The following NKTR variants were observed in gnomAD, a reference collection of about 807,000 sequenced individuals.
The protein encoded by NKTR is natural killer cell triggering receptor.
Under a neutral mutation model 156.3 loss-of-function variants are expected in NKTR, and 67 were observed. The ratio of observed to expected loss-of-function variants is 0.43; its 90% CI spans 0.35 to 0.53. The LOEUF is 0.53. Among genes scored for constraint, NKTR ranks in the 20% least tolerant of loss-of-function variants. NKTR has a pLI of 0.01. For missense variants in NKTR, 1,604 were observed against 1,730.9 expected, an observed-to-expected ratio of 0.93 and a Z score of 1.30; for synonymous variants, 640 against 596.6, an observed-to-expected ratio of 1.07 and a Z score of -1.06.
At chr3:42,625,011 G>A (rs753297050) in intron 6 of NKTR, among the ~76,000 whole-genome samples, 8 of 152,094 alleles carry the variant, frequency 5.3e-5, no homozygotes, top group Non-Finnish European at 1.0e-4. Context: ...CCTTCAGTTC[G>A]TTTTTCTTAA....
At position 42,643,344 on chromosome 3, in the gene NKTR, C is replaced by T; in HGVS notation, c.4148C>T (p.Ser1383Phe). 6.2e-7 allele frequency: 1 copy of T among 1,613,882 alleles called. No individual in the cohort carries two copies. The highest frequency in any genetic ancestry group is 1.1e-5 in the South Asian group (1 of 91,074). ...CTTCATGTGATTAATATTAGGACGT[C>T]CAGCAGGAGCAGATCCAGGAGCAGC... is the stretch of plus-strand genomic sequence containing the variant. Reference protein sequence around the residue: ...SYRSYKSHRTSSRSRSRSSSY... With the variant: ...SYRSYKSHRTFSRSRSRSSSY... The change falls in exon 15 of 17, where the codon TCC becomes TTC. Residue 1383 changes from serine (S) to phenylalanine (F), a missense_variant. Physicochemically the swap from Ser to Phe is radical, Grantham distance 155. This residue lies in a region of NKTR where 193 missense variants were observed against 220.2 expected (regional missense o/e 0.88). Transcript: ENST00000232978.
At chr3:42,644,857 C>T (rs1354032366) in intron 16 of NKTR, among the ~76,000 whole-genome samples, 1 of 152,210 alleles carries the variant, frequency 6.6e-6, no homozygotes, top group Non-Finnish European at 1.5e-5. Context: ...CAGTCCCTCC[C>T]ATGTGCCTCT....
chr3:42,640,839 C>G (rs6781196), intron 13 of NKTR, among the ~76,000 whole-genome samples: 5,339 of 152,296 alleles, frequency 0.035, 136 homozygotes, highest in Non-Finnish European at 0.056. Context: ...CTAGGCTTCT[C>G]TTCTTCCTCA....
intron 6 of NKTR, 90 bp downstream of exon 6, chr3:42,621,606 T>C: frequency 1.5e-6 from 2 of 1,320,104 alleles, no homozygotes; most frequent in Middle Eastern, 1.9e-4. Flanking sequence ...AGTTTAATGC[T>C]AAAATTCTGT....
chr3:42,629,242 T>TA lies in NKTR; in HGVS notation c.375-1304_375-1303insA, dbSNP rs1255205469. The TA allele has an allele frequency of 1.6e-5, 16 of 980,016 alleles. No homozygotes were observed. In the Admixed American group the frequency reaches 4.3e-4, roughly 26 times the overall value. The allele number at this position is 980,016 out of a possible 1,614,324, so 60.7% of individuals were successfully genotyped here. On this transcript the variant is annotated intron_variant, in intron 6 of 16. Transcript: ENST00000232978. ...TTCTGTTTTCTTTTTGCTGCCTGTTTTTATTTTTATAATTACATTGGCATG... is the reference window on the plus strand; with the variant it reads ...TTCTGTTTTCTTTTTGCTGCCTGTTTATTATTTTTATAATTACATTGGCATG...
chr3:42,628,651 T>C (rs978780446), intron 6 of NKTR: 2 of 985,268 alleles, frequency 2.0e-6, no homozygotes, highest in African/African-American at 3.5e-5. Context: ...CATACATCGT[T>C]TTTACTTCTA....
Position 42,638,580 on chromosome 3 carries a change from A to C in NKTR, c.2876A>C (p.Asp959Ala), listed in dbSNP as rs750681700. The C allele has an allele frequency of 1.5e-5, 24 of 1,614,058 alleles. No individual in the cohort carries two copies. The Admixed American group carries it at 4.0e-4, about 27-fold the overall frequency. The change falls in exon 13 of 17, where the codon GAC becomes GCC. Residue 959 changes from aspartate (D) to alanine (A), a missense_variant. Physicochemically the swap from Asp to Ala is moderately radical, Grantham distance 126 (BLOSUM62 -2). Transcript: ENST00000232978. Reference sequence around the variant, plus strand: ...AGCAAACAGCGCACATCAACTTCTGACTCTGAGGGGTCCTGTTCCAATTCG... The same window carrying C: ...AGCAAACAGCGCACATCAACTTCTGCCTCTGAGGGGTCCTGTTCCAATTCG... ...KSSKQRTSTS[D>A]SEGSCSNSEN...
chr3:42,638,754 A>G lies in NKTR; in HGVS notation c.3050A>G (p.Gln1017Arg). The G allele has an allele frequency of 6.2e-7, 1 of 1,614,088 alleles. No individual in the cohort carries two copies. Among genetic ancestry groups the G allele is most frequent in the Admixed American group, 1.7e-5 (1 of 60,008 alleles). Residue 1017 changes from glutamine (Q) to arginine (R), a missense_variant, in exon 13 of 17, where the codon CAG (glutamine) becomes CGG (arginine). Around this residue, in one of 6 missense-constraint regions of NKTR, gnomAD observed 1,255 missense variants for 1,243.7 expected, o/e 1.01. Transcript: ENST00000232978. ...APKRKQAFHW[Q>R]PPLEFGEEEE... is the part of the protein sequence containing the mutation. ...AAACGAAAGCAAGCATTTCACTGGC[A>G]GCCTCCACTAGAATTTGGTGAAGAG... is the stretch of plus-strand genomic sequence containing the variant.
chr3:42,634,032 T>G (rs2125811040), intron 10 of NKTR, among the ~76,000 whole-genome samples: 1 of 152,322 alleles, frequency 6.6e-6, no homozygotes, highest in East Asian at 1.9e-4. Context: ...TCTTCTTGCC[T>G]TTGCCTTTTA....
chr3:42,608,519 G>GCCC (rs1706462349), intron 2 of NKTR, among the ~76,000 whole-genome samples: 2 of 152,184 alleles, frequency 1.3e-5, no homozygotes, highest in Non-Finnish European at 2.9e-5. Context: ...CCCTCATTGT[G>GCCC]TTCACCAGTC....
intron 5 of NKTR, chr3:42,621,078 T>A (rs1311355813): frequency 1.0e-6 from 1 of 986,036 alleles, no homozygotes; most frequent in Non-Finnish European, 1.2e-6. Context: ...ATTGGAAATT[T>A]GGAGGAAGTA....
intron 2 of NKTR, among the ~76,000 whole-genome samples, chr3:42,603,552 TGATA>T: frequency 6.6e-6 from 1 of 152,120 alleles, no homozygotes; most frequent in Non-Finnish European, 1.5e-5. Context: ...CAATTCATTG[TGATA>T]GATGTGTAGA....
chr3:42,600,801 T>TGC lies in NKTR; in HGVS notation c.-24+28_-24+29dup, dbSNP rs58727907. 156 of 391,974 alleles carry TGC rather than the reference T, an allele frequency of 4.0e-4. 1 individual carries two copies. Among genetic ancestry groups the TGC allele is most frequent in the African/African-American group, 3.2e-3 (151 of 47,702 alleles). 24.3% of individuals were successfully genotyped at this position (391,974 alleles called of 1,614,324 possible). A position where few individuals can be genotyped will look rare whatever the true frequency, so the allele number is the denominator to read the frequency against. The stretch of plus-strand genomic sequence containing the variant: ...CAGGTGAAGAGCTCGCCCGCATGCG[T>TGC]GCGCGCTGCGTGGGAGCCGCGAGGC... On this transcript the variant is annotated intron_variant, in intron 1 of 16. Transcript: ENST00000232978.
chr3:42,638,838 C>T lies in NKTR; in HGVS notation c.3134C>T (p.Ser1045Phe). The T allele has an allele frequency of 6.2e-7, 1 of 1,601,864 alleles. No homozygotes were observed. The highest frequency in any genetic ancestry group is 8.5e-7 in the Non-Finnish European group (1 of 1,177,000). ...CAGGAATCAAAAGAGAAAAAAGTTTCTGAAAACAATGAAACCATAAAAGAT... is the reference window on the plus strand; with the variant it reads ...CAGGAATCAAAAGAGAAAAAAGTTTTTGAAAACAATGAAACCATAAAAGAT... ...VTQESKEKKV[S>F]ENNETIKDNI... The change falls in exon 13 of 17, where the codon TCT becomes TTT. Residue 1045 changes from serine (S) to phenylalanine (F), a missense_variant. This residue lies in a region of NKTR where 1,255 missense variants were observed against 1,243.7 expected (regional missense o/e 1.01). Transcript: ENST00000232978.
chr3:42,602,297 A>T lies in NKTR; in HGVS notation c.58+1233A>T, dbSNP rs1240423074. Reference sequence around the variant, plus strand: ...AGGTTTGTAGCCTAGGAGCAAATAGACTATATAGCTTAGGTGTGTAGTAGG... The same window carrying T: ...AGGTTTGTAGCCTAGGAGCAAATAGTCTATATAGCTTAGGTGTGTAGTAGG... On this transcript the variant is annotated intron_variant, in intron 2 of 16. Coordinates refer to ENST00000232978, the MANE Select transcript of NKTR (RefSeq NM_005385.4). 3.3e-5 allele frequency: 5 copies of T among 152,200 alleles called. No homozygotes were observed. In the East Asian group the frequency reaches 9.6e-4, roughly 29 times the overall value. The allele number at this position is 152,200 out of a possible 1,614,324, so 9.4% of individuals were successfully genotyped here.
rs771202415 is a variant in NKTR at position 42,638,265 on chromosome 3, C to T, written c.2561C>T (p.Pro854Leu). 11 of 1,608,270 alleles carry T rather than the reference C, an allele frequency of 6.8e-6. No homozygotes were observed. The South Asian group carries it at 1.2e-4, about 18-fold the overall frequency. ...EEKSKSEREC[P>L]HSKKRTLKEN... The stretch of plus-strand genomic sequence containing the variant: ...AAATCCAAGTCTGAACGGGAATGCC[C>T]TCATTCAAAAAAAAGAACTTTGAAA... The change falls in exon 13 of 17, where the codon CCT (proline) becomes CTT (leucine). Residue 854 changes from proline (P) to leucine (L), a missense_variant. Pro to Leu is a moderately conservative substitution (Grantham distance 98, BLOSUM62 -3). This residue lies in a region of NKTR where 1,255 missense variants were observed against 1,243.7 expected (regional missense o/e 1.01). Transcript: ENST00000232978.
rs765191488 is a variant in NKTR at position 42,621,472 on chromosome 3, A to G, written c.330A>G (p.Ser110=). 1 of 1,609,568 alleles carries G rather than the reference A, an allele frequency of 6.2e-7. No homozygotes were observed. Among genetic ancestry groups the G allele is most frequent in the Admixed American group, 1.7e-5 (1 of 59,354 alleles). ...AACATGACAGAGCGTTCCTTTTATC[A>G]ATGGCAAATCGAGGGAAACATACCA... is the stretch of plus-strand genomic sequence containing the variant. ...ILKHDRAFLL[S]MANRGKHTNG... is the part of the protein sequence containing the mutation. Residue 110 remains serine, a synonymous_variant, in exon 6 of 17, where the codon TCA becomes TCG. Coordinates refer to ENST00000232978, the MANE Select transcript of NKTR (RefSeq NM_005385.4).
chr3:42,617,135 G>C (rs1157399155), intron 2 of NKTR, among the ~76,000 whole-genome samples: 1 of 152,122 alleles, frequency 6.6e-6, no homozygotes, highest in African/African-American at 2.4e-5. Flanking sequence ...GAAGAAAGCT[G>C]AAAATAAAGA....
At chr3:42,600,893 G>A in intron 1 of NKTR, 91 bp from the exon 2 acceptor site, 2 of 758,366 alleles carry the variant, frequency 2.6e-6, no homozygotes, top group Non-Finnish European at 3.8e-6. Flanking sequence ...GAGGCACCGT[G>A]GCGCGGACTT....
Sources: allele counts gnomAD v4.1 joint callset (sites outside exome capture counted in the v4.1 genomes callset), GRCh38; gene constraint gnomAD v4.1.1; regional missense constraint gnomAD v4.1.1; transcripts MANE v1.5; gene names NCBI Gene and HGNC (gene_info 2026-07-23, HGNC 2026-07-21).